GABRB2: variants seen among roughly 807,000 people sequenced by gnomAD.
The protein encoded by GABRB2 is gamma-aminobutyric acid type A receptor subunit beta2.
Under a neutral mutation model 54.7 loss-of-function variants are expected in GABRB2, and 16 were observed. The observed-to-expected ratio is 0.29, with a 90% CI of 0.20 to 0.44. GABRB2 has a LOEUF of 0.44. Among genes scored for constraint, GABRB2 ranks in the 20% least tolerant of loss-of-function variants. The pLI is 1.00. For missense variants in GABRB2, 355 were observed against 644.0 expected, an observed-to-expected ratio of 0.55 and a Z score of 4.86; for synonymous variants, 244 against 233.8, an observed-to-expected ratio of 1.04 and a Z score of -0.40.
chr5:161,305,065 G>A (rs968373157), intron 9 of GABRB2, among the ~76,000 whole-genome samples: 6 of 139,902 alleles, frequency 4.3e-5, no homozygotes, highest in East Asian at 2.1e-4. Flanking sequence ...GCCGGACTGC[G>A]GACTGCAGTG....
Position 161,474,087 on chromosome 5 carries a change from C to T in GABRB2, c.238-14243G>A, listed in dbSNP as rs529478868. ...AGAAAGTCCCAAGCCCAGGAAACAG[C>T]CAGTGCCAAGGCCCTAGAGCAGGGA... On this transcript the variant is annotated intron_variant, in intron 3 of 9. Coordinates refer to ENST00000393959, the MANE Select transcript of GABRB2 (RefSeq NM_001371727.1). Among the ~76,000 whole-genome samples the T allele has an allele frequency of 1.3e-4, 20 of 152,080 alleles. No homozygotes were observed. The South Asian group carries it at 4.1e-3, about 32-fold the overall frequency.
intron 4 of GABRB2, among the ~76,000 whole-genome samples, chr5:161,439,709 C>T (rs1052862316): frequency 2.3e-4 from 35 of 151,758 alleles, no homozygotes; most frequent in African/African-American, 8.2e-4. Context: ...TGCTTGTCTG[C>T]TTGTATGCTT....
intron 9 of GABRB2, among the ~76,000 whole-genome samples, chr5:161,314,342 T>A (rs1263044016): frequency 6.6e-6 from 1 of 152,180 alleles, no homozygotes; most frequent in Non-Finnish European, 1.5e-5. Context: ...TCCAGAAATT[T>A]TCTGCAGTAG....
At chr5:161,484,653 C>A (rs2113336465) in intron 3 of GABRB2, among the ~76,000 whole-genome samples, 1 of 152,098 alleles carries the variant, frequency 6.6e-6, no homozygotes, top group Non-Finnish European at 1.5e-5. Context: ...CCAAGGTCCA[C>A]AGCAAAGAGC....
intron 5 of GABRB2, among the ~76,000 whole-genome samples, chr5:161,400,030 A>G (rs1197784496): frequency 6.6e-6 from 1 of 152,168 alleles, no homozygotes. Flanking sequence ...GAGGTACTCG[A>G]TTTGCAAAAA....
intron 3 of GABRB2, among the ~76,000 whole-genome samples, chr5:161,484,981 C>T (rs1474707996): frequency 3.3e-5 from 5 of 151,952 alleles, no homozygotes; most frequent in Non-Finnish European, 5.9e-5. Flanking sequence ...GAATATTGAA[C>T]GTCCTTAATT....
intron 4 of GABRB2, among the ~76,000 whole-genome samples, chr5:161,424,202 T>C (rs1391545327): frequency 6.6e-6 from 1 of 152,134 alleles, no homozygotes; most frequent in African/African-American, 2.4e-5. Flanking sequence ...CCAGAAGATG[T>C]AGCTAAGGTA....
At chr5:161,366,625 A>T (rs941343898) in intron 5 of GABRB2, among the ~76,000 whole-genome samples, 2 of 152,200 alleles carry the variant, frequency 1.3e-5, no homozygotes, top group Non-Finnish European at 2.9e-5. Flanking sequence ...GCAAAAATGC[A>T]TGAATGGTAC....
chr5:161,373,407 T>C (rs1422682662), intron 5 of GABRB2, among the ~76,000 whole-genome samples: 1 of 152,190 alleles, frequency 6.6e-6, no homozygotes, highest in Non-Finnish European at 1.5e-5. Flanking sequence ...CCAACAGCAC[T>C]GGTATTATCA....
chr5:161,435,981 T>C (rs1184173548), intron 4 of GABRB2, among the ~76,000 whole-genome samples: 5 of 152,166 alleles, frequency 3.3e-5, no homozygotes, highest in African/African-American at 1.2e-4. Flanking sequence ...TTGTCAATTA[T>C]AATATTATGA....
intron 5 of GABRB2, among the ~76,000 whole-genome samples, chr5:161,359,744 T>G (rs1194420110): frequency 6.6e-6 from 1 of 152,220 alleles, no homozygotes; most frequent in East Asian, 1.9e-4. Context: ...GCACTACAGA[T>G]GAAAGATCAA....
chr5:161,495,299 G>C (rs1759200414), intron 3 of GABRB2, among the ~76,000 whole-genome samples: 1 of 151,690 alleles, frequency 6.6e-6, no homozygotes, highest in Non-Finnish European at 1.5e-5. Context: ...TGAAACCTAA[G>C]TTTGTTCAAA....
intron 5 of GABRB2, among the ~76,000 whole-genome samples, chr5:161,343,276 G>A (rs550117628): frequency 6.6e-6 from 1 of 151,776 alleles, no homozygotes; most frequent in South Asian, 2.1e-4. Flanking sequence ...AATCGACCTA[G>A]GGTAGGTCAG....
intron 9 of GABRB2, among the ~76,000 whole-genome samples, chr5:161,309,028 A>G (rs565429092): frequency 4.7e-4 from 72 of 152,364 alleles, no homozygotes; most frequent in African/African-American, 1.7e-3. Flanking sequence ...ATTAAACTAA[A>G]GAGCTCCTGC....
chr5:161,520,029 G>T (rs1373674059), intron 3 of GABRB2, among the ~76,000 whole-genome samples: 1 of 151,926 alleles, frequency 6.6e-6, no homozygotes, highest in African/African-American at 2.4e-5. Context: ...ATTAGATTTT[G>T]CATGAAAATG....
chr5:161,299,071 C>A (rs1273949514), intron 9 of GABRB2, among the ~76,000 whole-genome samples: 1 of 152,098 alleles, frequency 6.6e-6, no homozygotes, highest in Non-Finnish European at 1.5e-5. Context: ...ACTGGAGGGG[C>A]AGGGTAGGCT....
intron 3 of GABRB2, among the ~76,000 whole-genome samples, chr5:161,471,988 C>T (rs1758454176): frequency 6.6e-6 from 1 of 151,764 alleles, no homozygotes; most frequent in African/African-American, 2.4e-5. Context: ...AGATTAACCA[C>T]TTAACTAGCT....
chr5:161,351,164 C>T (rs1754460479), intron 5 of GABRB2, among the ~76,000 whole-genome samples: 2 of 152,046 alleles, frequency 1.3e-5, no homozygotes, highest in Admixed American at 6.6e-5. Flanking sequence ...TATCAAAATT[C>T]CAATGACATT....
intron 9 of GABRB2, among the ~76,000 whole-genome samples, chr5:161,325,940 G>A (rs1011365893): frequency 4.6e-5 from 7 of 152,022 alleles, no homozygotes; most frequent in African/African-American, 1.7e-4. Context: ...TTAGACACAA[G>A]TTAGTAATGT....
Sources: gnomAD v4.1 joint callset for allele counts (sites outside exome capture counted in the v4.1 genomes callset) on GRCh38, gnomAD v4.1.1 for gene constraint, MANE v1.5 for transcripts, NCBI Gene and HGNC (gene_info 2026-07-23, HGNC 2026-07-21) for gene names.